GLUD1: variants seen among roughly 807,000 people sequenced by gnomAD.
GLUD1 encodes the protein glutamate dehydrogenase 1.
GLUD1 carries 22 observed loss-of-function variants against 56.0 expected under a neutral mutation model. That is an observed-to-expected ratio of 0.39 (90% confidence interval 0.28 to 0.56). GLUD1 has a LOEUF of 0.56. GLUD1 is among the 20% of genes least tolerant of loss of function. The probability of loss-of-function intolerance (pLI) is 0.58; values close to 1 mark genes in which losing one functional copy is unlikely to be tolerated. For synonymous variants in GLUD1, 223 were observed against 269.9 expected (o/e 0.83, Z 1.70); for missense variants, 451 against 732.0 (o/e 0.62, Z 4.43).
chr10:87,057,250 GT>G (rs1018464128), intron 11 of GLUD1, among the ~76,000 whole-genome samples: 3 of 152,136 alleles, frequency 2.0e-5, no homozygotes, highest in Non-Finnish European at 4.4e-5. Context: ...ACCTCCCAAA[GT>G]GCTGGGATTA....
chr10:87,089,631 G>A lies in GLUD1; in HGVS notation c.445+4694C>T, dbSNP rs148391723. 599 of 985,170 alleles carry A rather than the reference G, an allele frequency of 6.1e-4. 4 individuals are homozygous for A. In the African/African-American group the frequency reaches 9.9e-3, roughly 16 times the overall value. 61.0% of individuals were successfully genotyped at this position (985,170 alleles called of 1,614,324 possible). ...GCTGCAGAATCTTCTAGGTGTAGTT[G>A]CCTTTTTGTAAAGATAATCGGAAGG... On this transcript the variant is annotated intron_variant, in intron 1 of 12. Coordinates refer to ENST00000277865, the MANE Select transcript of GLUD1 (RefSeq NM_005271.5).
At position 87,094,136 on chromosome 10, in the gene GLUD1, T is replaced by C. The variant is rs933052214; in HGVS notation, c.445+189A>G. ...GGGAGGGGGCAGGCCAATCGCATGATGATTTTAAGGCGGAAAAATCACCAT... is the reference window on the plus strand; with the variant it reads ...GGGAGGGGGCAGGCCAATCGCATGACGATTTTAAGGCGGAAAAATCACCAT... On this transcript the variant is annotated intron_variant, in intron 1 of 12. Coordinates refer to ENST00000277865, the MANE Select transcript of GLUD1 (RefSeq NM_005271.5). This position sits in a 1 kb window ranked among gnomAD's most constrained non-coding sequence, Gnocchi z 6.6. 4 of 1,453,278 alleles carry C rather than the reference T, an allele frequency of 2.8e-6. No individual in the cohort carries two copies. Among genetic ancestry groups the C allele is most frequent in the Admixed American group, 4.8e-5 (2 of 41,758 alleles). 90.0% of individuals were successfully genotyped at this position (1,453,278 alleles called of 1,614,324 possible). A position where few individuals can be genotyped will look rare whatever the true frequency, so the allele number is the denominator to read the frequency against.
At position 87,068,124 on chromosome 10, in the gene GLUD1, C is replaced by T. The variant is rs1846126746; in HGVS notation, c.680G>A (p.Ser227Asn). The change falls in exon 5 of 13, where the codon AGC becomes AAC. Residue 227 changes from serine (S) to asparagine (N), a missense_variant. By Grantham distance (46) the Ser-to-Asn change is conservative (BLOSUM62 1). Around this residue, in one of 4 missense-constraint regions of GLUD1, gnomAD observed 248 missense variants for 460.0 expected, o/e 0.54. Coordinates refer to ENST00000277865, the MANE Select transcript of GLUD1 (RefSeq NM_005271.5). ...PGIDVPAPDM[S>N]TGEREMSWIA... ...CCAGGACATCTCCCGCTCACCTGTG[C>T]TCATGTCTGGAGCAGGCACATCAAT... The T allele has an allele frequency of 1.2e-6, 2 of 1,613,450 alleles. No individual in the cohort carries two copies. Among genetic ancestry groups the T allele is most frequent in the Non-Finnish European group, 1.7e-6 (2 of 1,179,364 alleles).
Position 87,094,308 on chromosome 10 carries a change from G to T in GLUD1, c.445+17C>A. On this transcript the variant is annotated intron_variant, in intron 1 of 12. Coordinates refer to ENST00000277865, the MANE Select transcript of GLUD1 (RefSeq NM_005271.5). This position sits in a 1 kb window ranked among gnomAD's most constrained non-coding sequence, Gnocchi z 6.6. ...GGGGAGGCAGGGAGGGCGGGACGGGGCCCGGCCGACGCTCACCTCCCTTGC... is the reference window on the plus strand; with the variant it reads ...GGGGAGGCAGGGAGGGCGGGACGGGTCCCGGCCGACGCTCACCTCCCTTGC... The T allele has an allele frequency of 6.3e-7, 1 of 1,591,282 alleles. No individual in the cohort carries two copies. Among genetic ancestry groups the T allele is most frequent in the Non-Finnish European group, 8.5e-7 (1 of 1,170,202 alleles).
At chr10:87,062,883 CTGT>C in intron 5 of GLUD1, 48 bp from the exon 6 acceptor site, 2 of 1,534,808 alleles carry the variant, frequency 1.3e-6, no homozygotes, top group South Asian at 2.3e-5. Flanking sequence ...TCCAATTTCT[CTGT>C]TGAAGGAACA....
chr10:87,068,005 C>A, intron 5 of GLUD1, 58 bp downstream of exon 5: 1 of 983,688 alleles, frequency 1.0e-6, no homozygotes, highest in Non-Finnish European at 1.6e-6. Context: ...ATCAGTCAAA[C>A]TGTTAATTCT....
At chr10:87,069,745 T>C (rs1281441322) in intron 4 of GLUD1, among the ~76,000 whole-genome samples, 1 of 152,178 alleles carries the variant, frequency 6.6e-6, no homozygotes, top group Non-Finnish European at 1.5e-5. Context: ...AACTTTGAAA[T>C]GGTCAAGGAT....
chr10:87,057,135 C>T (rs1473294215), intron 11 of GLUD1, among the ~76,000 whole-genome samples: 1 of 152,124 alleles, frequency 6.6e-6, no homozygotes, highest in Non-Finnish European at 1.5e-5. Context: ...GGACTATAGG[C>T]GTGTAGCACC....
chr10:87,060,304 GCAA>G (rs1189171607), intron 8 of GLUD1, 63 bp from the exon 9 acceptor site: 2 of 1,054,648 alleles, frequency 1.9e-6, no homozygotes, highest in Non-Finnish European at 3.0e-6. Flanking sequence ...TCCACTGAGG[GCAA>G]GAGATGTGCA....
intron 1 of GLUD1, among the ~76,000 whole-genome samples, chr10:87,087,520 A>G (rs1318170491): frequency 6.6e-6 from 1 of 152,210 alleles, no homozygotes; most frequent in African/African-American, 2.4e-5. Context: ...AGCTACCCAG[A>G]AGCCCATTAA....
intron 1 of GLUD1, among the ~76,000 whole-genome samples, chr10:87,079,208 G>T (rs1841136381): frequency 1.4e-5 from 2 of 147,084 alleles, no homozygotes; most frequent in African/African-American, 5.1e-5. Context: ...TTTCCAGTCA[G>T]ATAAAGCCCA....
At chr10:87,056,934 T>C (rs1845792179) in intron 11 of GLUD1, among the ~76,000 whole-genome samples, 1 of 152,156 alleles carries the variant, frequency 6.6e-6, no homozygotes, top group African/African-American at 2.4e-5. Flanking sequence ...CTTCCATCAT[T>C]TACTGGTAAA....
intron 1 of GLUD1, among the ~76,000 whole-genome samples, chr10:87,078,821 C>T (rs1841125694): frequency 6.6e-6 from 1 of 152,112 alleles, no homozygotes; most frequent in Non-Finnish European, 1.5e-5. Flanking sequence ...GATTGCACAG[C>T]ATGGTGAATA....
Position 87,094,826 on chromosome 10 carries a change from C to G in GLUD1, c.-57G>C. 3 of 1,332,412 alleles carry G rather than the reference C, an allele frequency of 2.3e-6. No homozygotes were observed. The highest frequency in any genetic ancestry group is 3.1e-6 in the Non-Finnish European group (3 of 972,738). The allele number at this position is 1,332,412 out of a possible 1,614,324, so 82.5% of individuals were successfully genotyped here. ...CGCGAAACAGGCGCGCTTTCTCAGACTCCCCGCGACTAGGGAGGAAGGGTC... is the reference window on the plus strand; with the variant it reads ...CGCGAAACAGGCGCGCTTTCTCAGAGTCCCCGCGACTAGGGAGGAAGGGTC... On this transcript the variant is annotated 5_prime_UTR_variant, in exon 1 of 13. Transcript: ENST00000277865. The surrounding 1 kb of genome is among the most constrained non-coding windows in gnomAD (Gnocchi z 6.6).
rs1269338822 is a variant in GLUD1, at chr10:87,062,867, G to A, written c.742-32C>T. 3.8e-6 allele frequency: 6 copies of A among 1,591,610 alleles called. No homozygotes were observed. In the East Asian group the frequency reaches 1.3e-4, roughly 36 times the overall value. On this transcript the variant is annotated intron_variant, in intron 5 of 12. Coordinates refer to ENST00000277865, the MANE Select transcript of GLUD1 (RefSeq NM_005271.5). The stretch of plus-strand genomic sequence containing the variant: ...GAGGGGGTAATTGAAAGAATGAAAT[G>A]TCAAGTCCAATTTCTCTGTTGAAGG...
chr10:87,091,839 G>C (rs1841516097), intron 1 of GLUD1, among the ~76,000 whole-genome samples: 1 of 151,962 alleles, frequency 6.6e-6, no homozygotes, highest in Admixed American at 6.6e-5. Context: ...GTTGGTAAAA[G>C]GGTGGAGAGA....
intron 4 of GLUD1, among the ~76,000 whole-genome samples, chr10:87,071,388 T>C (rs1168065083): frequency 2.6e-5 from 4 of 151,864 alleles, no homozygotes; most frequent in South Asian, 2.1e-4. Context: ...GGTTTTACCA[T>C]GTTGGCCAGG....
intron 1 of GLUD1, among the ~76,000 whole-genome samples, chr10:87,080,198 C>T (rs549296227): frequency 5.3e-5 from 8 of 152,094 alleles, no homozygotes; most frequent in East Asian, 1.9e-4. Flanking sequence ...CCTAGGCCTC[C>T]GGAGGTGCCA....
intron 1 of GLUD1, among the ~76,000 whole-genome samples, chr10:87,090,708 A>T (rs1314107247): frequency 6.6e-6 from 1 of 152,242 alleles, no homozygotes; most frequent in Non-Finnish European, 1.5e-5. Flanking sequence ...GAAAAGTCCT[A>T]AATTAAATTC....
Sources: gnomAD v4.1 joint callset for allele counts (sites outside exome capture counted in the v4.1 genomes callset) on GRCh38, gnomAD v4.1.1 for gene constraint, gnomAD v4.1.1 regional missense constraint, Gnocchi (gnomAD v3.1) non-coding constraint, MANE v1.5 for transcripts, NCBI Gene and HGNC (gene_info 2026-07-23, HGNC 2026-07-21) for gene names.